The following TBC1D31 variants were observed in gnomAD, a reference collection of about 807,000 sequenced individuals.
TBC1D31 encodes the protein TBC1 domain family member 31, also known as WD repeat domain 67.
Under a neutral mutation model 132.9 loss-of-function variants are expected in TBC1D31, and 99 were observed. The observed-to-expected ratio is 0.74, with a 90% CI of 0.63 to 0.88. The LOEUF is 0.88. TBC1D31 is among the 40% of genes least tolerant of loss of function. The pLI is 0.00. For missense variants in TBC1D31, 1,134 were observed against 1,256.6 expected, an observed-to-expected ratio of 0.90 and a Z score of 1.48; for synonymous variants, 385 against 419.4, an observed-to-expected ratio of 0.92 and a Z score of 1.00.
At chr8:123,148,151 A>G (rs1822418678) in intron 20 of TBC1D31, among the ~76,000 whole-genome samples, 1 of 152,062 alleles carries the variant, frequency 6.6e-6, no homozygotes, top group Non-Finnish European at 1.5e-5. Flanking sequence ...ATACAAACCT[A>G]TATGTGTTCA....
chr8:123,142,385 A>C lies in TBC1D31; in HGVS notation c.2764A>C (p.Lys922Gln). The C allele has an allele frequency of 6.2e-7, 1 of 1,609,384 alleles. No homozygotes were observed. Among genetic ancestry groups the C allele is most frequent in the South Asian group, 1.1e-5 (1 of 89,956 alleles). Residue 922 changes from lysine (K) to glutamine (Q), a missense_variant, in exon 19 of 22, where the codon AAA becomes CAA. Physicochemically the swap from Lys to Gln is moderately conservative, Grantham distance 53 (BLOSUM62 1). Coordinates refer to ENST00000287380, the MANE Select transcript of TBC1D31 (RefSeq NM_145647.4). ...QRNKCYQEVAKLLRENRRKEI... is the reference protein window; with the variant it reads ...QRNKCYQEVAQLLRENRRKEI... ...AAACAAATGTTACCAGGAAGTAGCC[A>C]AACTCCTTAGGGAAAACAGAAGGAA... is the stretch of plus-strand genomic sequence containing the variant.
intron 2 of TBC1D31, among the ~76,000 whole-genome samples, chr8:123,078,091 T>C (rs1206504968): frequency 6.6e-6 from 1 of 152,118 alleles, no homozygotes; most frequent in Non-Finnish European, 1.5e-5. Context: ...CTTCCTCTTC[T>C]CTTCCCTTGT....
chr8:123,130,729 C>G (rs936882061), intron 16 of TBC1D31, among the ~76,000 whole-genome samples: 2 of 150,140 alleles, frequency 1.3e-5, no homozygotes, highest in Non-Finnish European at 3.0e-5. Flanking sequence ...TCAAGTGATT[C>G]TCCTGCCTCA....
chr8:123,109,477 G>A lies in TBC1D31; in HGVS notation c.1293G>A (p.Met431Ile). The change falls in exon 10 of 22, where the codon ATG becomes ATA. Residue 431 changes from methionine (M) to isoleucine (I), a missense_variant. Coordinates refer to ENST00000287380, the MANE Select transcript of TBC1D31 (RefSeq NM_145647.4). ...GYGEYPTKYR[M>I]FIWRSLLQLP... ...TTAAAATATATTTTTATTTCAGAAT[G>A]TTCATTTGGCGCTCTCTGCTACAAC... is the stretch of plus-strand genomic sequence containing the variant. 6.2e-7 allele frequency: 1 copy of A among 1,612,186 alleles called. No homozygotes were observed.
intron 2 of TBC1D31, among the ~76,000 whole-genome samples, chr8:123,078,307 C>T (rs2129669731): frequency 6.6e-6 from 1 of 152,256 alleles, no homozygotes; most frequent in East Asian, 1.9e-4. Flanking sequence ...CCAAGTTTCT[C>T]ACTCTTAGAA....
chr8:123,106,375 G>A (rs1285783426), intron 8 of TBC1D31, among the ~76,000 whole-genome samples: 1 of 152,142 alleles, frequency 6.6e-6, no homozygotes, highest in Non-Finnish European at 1.5e-5. Flanking sequence ...CAGTGCTTGT[G>A]TTCCAGTAAC....
At chr8:123,126,441 A>C (rs1820041560) in intron 12 of TBC1D31, 67 bp from the exon 13 acceptor site, 1 of 1,405,026 alleles carries the variant, frequency 7.1e-7, no homozygotes, top group Admixed American at 2.0e-5. Flanking sequence ...ATGTAAGGGA[A>C]TATTACCAAT....
chr8:123,142,849 T>C lies in TBC1D31; in HGVS notation c.2835+393T>C, dbSNP rs547048834. Among the ~76,000 whole-genome samples, 18 of 152,366 alleles carry C rather than the reference T, an allele frequency of 1.2e-4. No individual in the cohort carries two copies. In the South Asian group the frequency reaches 3.5e-3, roughly 30 times the overall value. ...ATTTTTGTTCTGGCTGATTGAATAATATTAGTACTTTAATTTAGCTAATTC... is the reference window on the plus strand; with the variant it reads ...ATTTTTGTTCTGGCTGATTGAATAACATTAGTACTTTAATTTAGCTAATTC... On this transcript the variant is annotated intron_variant, in intron 19 of 21. Coordinates refer to ENST00000287380, the MANE Select transcript of TBC1D31 (RefSeq NM_145647.4).
intron 10 of TBC1D31, among the ~76,000 whole-genome samples, chr8:123,115,528 G>A (rs185589932): frequency 2.1e-3 from 318 of 152,296 alleles, no homozygotes; most frequent in Middle Eastern, 0.01. Flanking sequence ...TACCACACAT[G>A]TAGTGGCTTA....
At chr8:123,112,256 G>T (rs565943581) in intron 10 of TBC1D31, among the ~76,000 whole-genome samples, 2 of 152,032 alleles carry the variant, frequency 1.3e-5, no homozygotes, top group Admixed American at 1.3e-4. Flanking sequence ...TGTTTCATTT[G>T]TTTTCAGTTT....
chr8:123,080,529 CTTTTTTT>C (rs57694076), intron 2 of TBC1D31, among the ~76,000 whole-genome samples: 5 of 76,320 alleles, frequency 6.6e-5, no homozygotes, highest in Admixed American at 5.2e-4. Flanking sequence ...TTCTTTTATT[CTTTTTTT>C]TTTTTTTTTT....
At chr8:123,138,341 A>G (rs1177215396) in intron 17 of TBC1D31, among the ~76,000 whole-genome samples, 1 of 152,142 alleles carries the variant, frequency 6.6e-6, no homozygotes, top group East Asian at 1.9e-4. Flanking sequence ...ATCTTCACAT[A>G]TATATCTTTT....
At chr8:123,089,873 T>C (rs1816161905) in intron 4 of TBC1D31, among the ~76,000 whole-genome samples, 1 of 152,274 alleles carries the variant, frequency 6.6e-6, no homozygotes, top group African/African-American at 2.4e-5. Context: ...GAAATATTAA[T>C]ATATTTGAGT....
chr8:123,085,167 G>A (rs1189290738), intron 4 of TBC1D31, among the ~76,000 whole-genome samples: 2 of 152,042 alleles, frequency 1.3e-5, no homozygotes, highest in Non-Finnish European at 2.9e-5. Context: ...AATTAACTAG[G>A]GGTCAATATT....
chr8:123,096,954 A>G (rs993811298), intron 5 of TBC1D31, among the ~76,000 whole-genome samples: 3 of 152,246 alleles, frequency 2.0e-5, no homozygotes, highest in Non-Finnish European at 4.4e-5. Context: ...GCTATAAAAT[A>G]TAAGTGTTAT....
rs1822631631 is a variant in TBC1D31, at chr8:123,150,062, G to T, written c.3001G>T (p.Asp1001Tyr). 1 of 1,613,874 alleles carries T rather than the reference G, an allele frequency of 6.2e-7. No homozygotes were observed. The highest frequency in any genetic ancestry group is 8.5e-7 in the Non-Finnish European group (1 of 1,179,940). ...AGAACCCAGGTTCCAAAATGAACAG[G>T]ACTCAAGCTGTTTGCCTAGAACCTC... ...KEEPRFQNEQ[D>Y]SSCLPRTSQL... Residue 1001 changes from aspartate (D) to tyrosine (Y), a missense_variant, in exon 21 of 22, where the codon GAC (aspartate) becomes TAC (tyrosine). Transcript: ENST00000287380.
chr8:123,078,839 A>G (rs1007353674), intron 2 of TBC1D31, among the ~76,000 whole-genome samples: 4 of 138,526 alleles, frequency 2.9e-5, no homozygotes, highest in Non-Finnish European at 4.9e-5. Flanking sequence ...AATAGTCACA[A>G]AGTACCCCCC....
chr8:123,094,845 ATC>A (rs1431886948), intron 5 of TBC1D31, among the ~76,000 whole-genome samples: 2 of 152,190 alleles, frequency 1.3e-5, no homozygotes, highest in Non-Finnish European at 2.9e-5. Context: ...CCGACCTATT[ATC>A]ACACTTTTTA....
At chr8:123,161,813 T>C in the TBC1D31 span, among the ~76,000 whole-genome samples, 1 of 151,790 alleles carries the variant, frequency 6.6e-6, no homozygotes, top group South Asian at 2.1e-4. Flanking sequence ...GGTCAGAAGT[T>C]TGAGACCAGC....
Sources: gnomAD v4.1 joint callset for allele counts (sites outside exome capture counted in the v4.1 genomes callset) on GRCh38, gnomAD v4.1.1 for gene constraint, MANE v1.5 for transcripts, NCBI Gene and HGNC (gene_info 2026-07-23, HGNC 2026-07-21) for gene names.